CTNNA2: variants seen among roughly 807,000 people sequenced by gnomAD.
CTNNA2 encodes catenin alpha 2, also known as catenin alpha-2.
A neutral mutation model predicts 101.0 loss-of-function variants in CTNNA2; 42 were observed. The ratio of observed to expected loss-of-function variants is 0.42; its 90% CI spans 0.32 to 0.54. CTNNA2 has a LOEUF of 0.54. Ranked by LOEUF, CTNNA2 falls within the 20% of genes least tolerant of loss-of-function variation. The pLI is 0.14. For missense variants in CTNNA2, 871 were observed against 1,223.1 expected (o/e 0.71, Z 4.29); for synonymous variants, 450 against 456.4 (o/e 0.99, Z 0.18).
chr2:79,740,931 T>TAGG (rs1486294016), intron 2 of CTNNA2, among the ~76,000 whole-genome samples: 1 of 152,098 alleles, frequency 6.6e-6, no homozygotes. Context: ...TTCAGAATTT[T>TAGG]AGGTGTAAAT....
In CTNNA2 at chr2:80,302,145, G is replaced by A. The variant is rs1676378494; in HGVS notation, c.1057-91066G>A. On this transcript the variant is annotated intron_variant, in intron 7 of 18. Transcript: ENST00000402739. The surrounding 1 kb of genome is among the most constrained non-coding windows in gnomAD (Gnocchi z 6.4). ...AGATCCCCTTAAAGTTTCAGTCAAGGAGCATATCAGAGCACAGACAAGGAG... is the reference window on the plus strand; with the variant it reads ...AGATCCCCTTAAAGTTTCAGTCAAGAAGCATATCAGAGCACAGACAAGGAG... The A allele has an allele frequency of 7.2e-7, 1 of 1,382,360 alleles. No homozygotes were observed. The highest frequency in any genetic ancestry group is 1.4e-5 in the South Asian group (1 of 69,434). The allele number at this position is 1,382,360 out of a possible 1,614,324, so 85.6% of individuals were successfully genotyped here.
At chr2:79,482,487 G>A (rs1482775728) in intron 4 of CTNNA2, among the ~76,000 whole-genome samples, 2 of 152,154 alleles carry the variant, frequency 1.3e-5, no homozygotes, top group African/African-American at 4.8e-5. Flanking sequence ...AATTGTGGCA[G>A]CGCAGCTATT....
intron 7 of CTNNA2, among the ~76,000 whole-genome samples, chr2:80,141,254 A>G (rs868136935): frequency 9.9e-5 from 15 of 152,092 alleles, no homozygotes; most frequent in African/African-American, 3.4e-4. Context: ...GCCCTCAAAT[A>G]AATATTAGTC....
intron 7 of CTNNA2, among the ~76,000 whole-genome samples, chr2:80,073,978 C>G (rs1010492938): frequency 6.6e-6 from 1 of 152,040 alleles, no homozygotes; most frequent in African/African-American, 2.4e-5. Flanking sequence ...TATTGACCTA[C>G]GGGTATGTAG....
At chr2:79,747,802 A>T (rs186789948) in intron 3 of CTNNA2, among the ~76,000 whole-genome samples, 38 of 152,240 alleles carry the variant, frequency 2.5e-4, no homozygotes, top group Admixed American at 2.4e-3. Context: ...TTTTCTTTTT[A>T]TATTATCGAT....
At chr2:79,746,049 T>G (rs1309668178) in intron 3 of CTNNA2, among the ~76,000 whole-genome samples, 1 of 151,918 alleles carries the variant, frequency 6.6e-6, no homozygotes, top group Non-Finnish European at 1.5e-5. Flanking sequence ...CGGTTCCAGT[T>G]TCTCCAAATC....
chr2:79,837,219 G>A (rs894729882), intron 3 of CTNNA2, among the ~76,000 whole-genome samples: 1 of 152,172 alleles, frequency 6.6e-6, no homozygotes, highest in African/African-American at 2.4e-5. Flanking sequence ...GAGTCAGTCT[G>A]AGTTCCAAAA....
At chr2:80,140,862 T>C (rs1367437313) in intron 7 of CTNNA2, among the ~76,000 whole-genome samples, 2 of 152,068 alleles carry the variant, frequency 1.3e-5, no homozygotes, top group African/African-American at 4.8e-5. Context: ...ATTAAGGTTA[T>C]AGGGACCCTT....
intron 7 of CTNNA2, among the ~76,000 whole-genome samples, chr2:80,271,565 G>T (rs1477340807): frequency 6.6e-6 from 1 of 152,122 alleles, no homozygotes; most frequent in African/African-American, 2.4e-5. Context: ...GGGACTACAG[G>T]CGCAAGCCAC....
chr2:80,480,665 C>T (rs567497723), intron 9 of CTNNA2, among the ~76,000 whole-genome samples: 233 of 152,210 alleles, frequency 1.5e-3, no homozygotes, highest in Middle Eastern at 3.4e-3. Flanking sequence ...CAGAACCTTT[C>T]CTACCTAAAA....
chr2:80,043,152 T>A (rs1696275597), intron 7 of CTNNA2, among the ~76,000 whole-genome samples: 1 of 74,326 alleles, frequency 1.3e-5, no homozygotes, highest in Non-Finnish European at 2.9e-5. Flanking sequence ...CTTCCTTCCT[T>A]CCTTCCTTCC....
chr2:79,569,201 G>A (rs1325809601), intron 1 of CTNNA2, among the ~76,000 whole-genome samples: 1 of 152,158 alleles, frequency 6.6e-6, no homozygotes, highest in Non-Finnish European at 1.5e-5. Flanking sequence ...GCATGATTGT[G>A]TTAGGTAGCG....
At chr2:80,326,762 T>C (rs1465655444) in intron 7 of CTNNA2, among the ~76,000 whole-genome samples, 2 of 152,132 alleles carry the variant, frequency 1.3e-5, no homozygotes, top group Non-Finnish European at 2.9e-5. Flanking sequence ...TTTCTCCAGC[T>C]CTAGCTTTAA....
intron 3 of CTNNA2, among the ~76,000 whole-genome samples, chr2:79,314,895 T>C (rs1053609507): frequency 6.6e-6 from 1 of 152,188 alleles, no homozygotes; most frequent in Non-Finnish European, 1.5e-5. Flanking sequence ...AAGTCATCAT[T>C]TATGGGCAGA....
At chr2:80,036,877 G>GA (rs1695704236) in intron 7 of CTNNA2, among the ~76,000 whole-genome samples, 1 of 141,468 alleles carries the variant, frequency 7.1e-6, no homozygotes, top group African/African-American at 2.6e-5. Context: ...GAGAGAGAGA[G>GA]AAGAGGAAGG....
At chr2:79,399,106 A>G (rs1459487995) in intron 4 of CTNNA2, among the ~76,000 whole-genome samples, 1 of 152,146 alleles carries the variant, frequency 6.6e-6, no homozygotes, top group Non-Finnish European at 1.5e-5. Context: ...ACTCAGAGTT[A>G]GCTTAGTGCA....
intron 1 of CTNNA2, among the ~76,000 whole-genome samples, chr2:79,537,560 G>A (rs940668035): frequency 1.3e-5 from 2 of 152,132 alleles, no homozygotes; most frequent in African/African-American, 4.8e-5. Context: ...TTGCAGAACG[G>A]TTAAGGTATT....
intron 15 of CTNNA2, among the ~76,000 whole-genome samples, chr2:80,589,903 T>TGCGTGC (rs70940089): frequency 3.3e-4 from 48 of 144,408 alleles, no homozygotes; most frequent in African/African-American, 1.1e-3. Context: ...TGTGTGTGTG[T>TGCGTGC]GTGCGCGCGC....
At chr2:79,376,735 G>A (rs931663214) in intron 4 of CTNNA2, among the ~76,000 whole-genome samples, 1 of 152,000 alleles carries the variant, frequency 6.6e-6, no homozygotes, top group African/African-American at 2.4e-5. Flanking sequence ...AACATGCGGT[G>A]TTTGGTTTTT....
Sources: gnomAD v4.1 joint callset for allele counts (sites outside exome capture counted in the v4.1 genomes callset) on GRCh38, gnomAD v4.1.1 for gene constraint, Gnocchi (gnomAD v3.1) non-coding constraint, MANE v1.5 for transcripts, NCBI Gene and HGNC (gene_info 2026-07-23, HGNC 2026-07-21) for gene names.